Variants in PCDH9 observed in about 807,000 individuals in gnomAD.
The protein encoded by PCDH9 is protocadherin-9.
Under a neutral mutation model 70.6 loss-of-function variants are expected in PCDH9, and 24 were observed. That is an observed-to-expected ratio of 0.34 (90% CI 0.25 to 0.48). The LOEUF (loss-of-function observed/expected upper bound fraction) is 0.48, where lower values mean the gene tolerates loss of function less well. Among genes scored for constraint, PCDH9 ranks in the 20% least tolerant of loss-of-function variants. PCDH9 has a pLI of 0.99. For missense variants in PCDH9, 1,281 were observed against 1,503.6 expected (o/e 0.85, Z 2.45); for synonymous variants, 562 against 558.5 (o/e 1.01, Z -0.09).
At chr13:66,713,227 T>C (rs977122866) in intron 3 of PCDH9, among the ~76,000 whole-genome samples, 3 of 152,158 alleles carry the variant, frequency 2.0e-5, no homozygotes, top group Non-Finnish European at 4.4e-5. Flanking sequence ...GGTTTTAAAA[T>C]AAACACCTGT....
At chr13:66,822,149 C>CACA (rs1427236244) in intron 3 of PCDH9, among the ~76,000 whole-genome samples, 1 of 151,502 alleles carries the variant, frequency 6.6e-6, no homozygotes, top group Non-Finnish European at 1.5e-5. Flanking sequence ...CACACACACA[C>CACA]ACACACACAC....
intron 3 of PCDH9, among the ~76,000 whole-genome samples, chr13:66,895,775 C>T (rs984084674): frequency 6.6e-6 from 1 of 152,180 alleles, no homozygotes; most frequent in East Asian, 1.9e-4. Flanking sequence ...TTGATTTACA[C>T]CTGTTTTGTA....
At chr13:66,797,675 C>G (rs917904939) in intron 3 of PCDH9, among the ~76,000 whole-genome samples, 2 of 152,120 alleles carry the variant, frequency 1.3e-5, no homozygotes, top group Non-Finnish European at 2.9e-5. Flanking sequence ...ACATGTCTTT[C>G]ATTTGTACAT....
chr13:66,991,736 G>A (rs2139799332), intron 2 of PCDH9, among the ~76,000 whole-genome samples: 1 of 152,114 alleles, frequency 6.6e-6, no homozygotes, highest in South Asian at 2.1e-4. Context: ...CTGTATTTCA[G>A]AAGTAAAGCA....
intron 4 of PCDH9, among the ~76,000 whole-genome samples, chr13:66,530,589 T>A (rs1025797552): frequency 2.0e-5 from 3 of 152,022 alleles, no homozygotes; most frequent in African/African-American, 7.2e-5. Context: ...AAACAAATGC[T>A]ATTTACAATT....
intron 3 of PCDH9, among the ~76,000 whole-genome samples, chr13:66,851,573 C>CCACACACACACA (rs1394604374): frequency 2.8e-5 from 3 of 108,948 alleles, no homozygotes; most frequent in African/African-American, 1.0e-4. Context: ...CCCGCATCAC[C>CCACACACACACA]CTCACACACA....
chr13:66,487,419 A>G (rs1268947567), intron 4 of PCDH9, among the ~76,000 whole-genome samples: 2 of 152,218 alleles, frequency 1.3e-5, no homozygotes, highest in Non-Finnish European at 2.9e-5. Flanking sequence ...TACTAAAACT[A>G]CATACATGGC....
At chr13:66,447,527 C>A (rs577984172) in intron 4 of PCDH9, among the ~76,000 whole-genome samples, 2 of 152,202 alleles carry the variant, frequency 1.3e-5, no homozygotes, top group South Asian at 4.1e-4. Context: ...ATTTGGCAAT[C>A]TTTTCTACTT....
chr13:66,878,555 CT>C (rs1406659655), intron 3 of PCDH9, among the ~76,000 whole-genome samples: 13 of 152,070 alleles, frequency 8.5e-5, no homozygotes, highest in Non-Finnish European at 1.5e-4. Flanking sequence ...AAGAAAAAAT[CT>C]TGTATTTGGG....
intron 3 of PCDH9, among the ~76,000 whole-genome samples, chr13:66,718,118 T>C (rs2078895216): frequency 6.6e-6 from 1 of 152,180 alleles, no homozygotes; most frequent in Non-Finnish European, 1.5e-5. Context: ...TTTAAAAATA[T>C]GCTCAGGGTC....
At chr13:66,589,544 ATATT>A (rs1374898366) in intron 4 of PCDH9, among the ~76,000 whole-genome samples, 1 of 152,078 alleles carries the variant, frequency 6.6e-6, no homozygotes, top group Non-Finnish European at 1.5e-5. Context: ...GAATATTAAA[ATATT>A]AATTACAAAA....
chr13:66,491,373 G>C (rs1174806054), intron 4 of PCDH9, among the ~76,000 whole-genome samples: 2 of 143,996 alleles, frequency 1.4e-5, no homozygotes, highest in South Asian at 4.5e-4. Context: ...TGTTGGGTGA[G>C]GGCAGGAGAT....
intron 2 of PCDH9, among the ~76,000 whole-genome samples, chr13:66,956,843 C>T (rs2083272286): frequency 1.3e-5 from 2 of 152,122 alleles, no homozygotes; most frequent in African/African-American, 4.8e-5. Flanking sequence ...TCGCACTCCA[C>T]CCACTTCTTC....
intron 3 of PCDH9, among the ~76,000 whole-genome samples, chr13:66,707,436 G>A (rs1273118566): frequency 1.3e-5 from 2 of 152,140 alleles, no homozygotes; most frequent in Non-Finnish European, 2.9e-5. Context: ...TCAAGTGCTG[G>A]CAATTTAAAA....
chr13:67,052,780 T>A (rs2085347038), intron 2 of PCDH9, among the ~76,000 whole-genome samples: 1 of 152,040 alleles, frequency 6.6e-6, no homozygotes, highest in Non-Finnish European at 1.5e-5. Flanking sequence ...TATTCGACGG[T>A]GGAGGCGGAA....
intron 3 of PCDH9, among the ~76,000 whole-genome samples, chr13:66,665,185 C>T (rs542666186): frequency 6.6e-6 from 1 of 151,168 alleles, no homozygotes; most frequent in South Asian, 2.1e-4. Flanking sequence ...CGCCTCACTA[C>T]AACTTCCACC....
chr13:67,193,465 T>C (rs1011397814), intron 2 of PCDH9, among the ~76,000 whole-genome samples: 4 of 152,130 alleles, frequency 2.6e-5, no homozygotes, highest in African/African-American at 9.7e-5. Flanking sequence ...GGTTTCATTA[T>C]ATTTAACACA....
chr13:66,363,288 A>G (rs1007594827), intron 4 of PCDH9, among the ~76,000 whole-genome samples: 4 of 152,180 alleles, frequency 2.6e-5, no homozygotes, highest in Admixed American at 1.3e-4. Context: ...ATTTTAACAG[A>G]TCTTTAATTT....
chr13:67,218,420 C>T (rs879271207), intron 2 of PCDH9: 7 of 151,990 alleles, frequency 4.6e-5, no homozygotes, highest in East Asian at 1.9e-4. Flanking sequence ...TTCTTCATAC[C>T]GTTTACAATA....
Sources: allele counts gnomAD v4.1 joint callset (sites outside exome capture counted in the v4.1 genomes callset), GRCh38; gene constraint gnomAD v4.1.1; transcripts MANE v1.5; gene names NCBI Gene and HGNC (gene_info 2026-07-23, HGNC 2026-07-21).